GANC: variants seen among roughly 807,000 people sequenced by gnomAD.
GANC encodes the protein glucosidase alpha, neutral C, also known as neutral alpha-glucosidase C.
GANC carries 117 observed loss-of-function variants against 124.2 expected under a neutral mutation model. The ratio of observed to expected loss-of-function variants is 0.94; its 90% CI spans 0.81 to 1.10. The LOEUF is 1.10. Ranked by LOEUF, GANC falls within the 50% of genes least tolerant of loss-of-function variation. GANC has a pLI of 0.00. For missense variants in GANC, 1,140 were observed against 1,095.0 expected (o/e 1.04, Z -0.58); for synonymous variants, 377 against 376.8 (o/e 1.00, Z -0.01).
rs966687591 is a variant in GANC, at chr15:42,313,949, C to T, written c.1057+3103C>T. On this transcript the variant is annotated intron_variant, in intron 10 of 23. Transcript: ENST00000318010. ...CCTAGACAACAGAGCGAGACCCTATCTCTAAAAACAACAGCAACAACAACA... is the reference window on the plus strand; with the variant it reads ...CCTAGACAACAGAGCGAGACCCTATTTCTAAAAACAACAGCAACAACAACA... 3 of 615,066 alleles carry T rather than the reference C, an allele frequency of 4.9e-6. No individual in the cohort carries two copies. The African/African-American group carries it at 5.8e-5, about 12-fold the overall frequency. The allele number at this position is 615,066 out of a possible 1,614,324, so 38.1% of individuals were successfully genotyped here.
chr15:42,275,676 A>G (rs1007216341), intron 1 of GANC, among the ~76,000 whole-genome samples: 1 of 152,062 alleles, frequency 6.6e-6, no homozygotes, highest in African/African-American at 2.4e-5. Context: ...TATCTCATTC[A>G]TGTTTTATCC....
intron 15 of GANC, among the ~76,000 whole-genome samples, chr15:42,336,645 AACTAAAC>A (rs2052285566): frequency 6.6e-6 from 1 of 152,240 alleles, no homozygotes; most frequent in South Asian, 2.1e-4. Context: ...GATCTAATTA[AACTAAAC>A]AGCTTCTGCA....
Sources: allele counts gnomAD v4.1 joint callset (sites outside exome capture counted in the v4.1 genomes callset), GRCh38; gene constraint gnomAD v4.1.1; transcripts MANE v1.5; gene names NCBI Gene and HGNC (gene_info 2026-07-23, HGNC 2026-07-21).